Variants in CHAT observed in about 807,000 individuals in gnomAD.
CHAT encodes the protein choline O-acetyltransferase, also known as acetyl CoA:choline O-acetyltransferase.
CHAT carries 61 observed loss-of-function variants against 76.9 expected under a neutral mutation model. The ratio of observed to expected loss-of-function variants is 0.79; its 90% CI spans 0.65 to 0.98. CHAT has a LOEUF of 0.98. Ranked by LOEUF, CHAT falls within the 50% of genes least tolerant of loss-of-function variation. The probability of loss-of-function intolerance (pLI) is 0.00; values close to 1 mark genes in which losing one functional copy is unlikely to be tolerated. For missense variants in CHAT, 946 were observed against 986.9 expected, an observed-to-expected ratio of 0.96 and a Z score of 0.56; for synonymous variants, 407 against 397.4, an observed-to-expected ratio of 1.02 and a Z score of -0.29.
intron 8 of CHAT, 145 bp downstream of exon 8, chr10:49,646,819 G>A (rs1839685961): frequency 2.3e-6 from 2 of 883,688 alleles, no homozygotes; most frequent in Non-Finnish European, 3.6e-6. Flanking sequence ...CTAAGAGGCT[G>A]GGTCTGAGGG....
At chr10:49,632,887 C>T (rs549072631) in intron 7 of CHAT, among the ~76,000 whole-genome samples, 2 of 152,326 alleles carry the variant, frequency 1.3e-5, no homozygotes, top group South Asian at 2.1e-4. Flanking sequence ...GCAGGGCTGC[C>T]TGCCGCACCC....
rs561413241 is a variant in CHAT at position 49,646,746 on chromosome 10, C to T, written c.1281+72C>T. ...GAGAGAGTGAGTAGGCAAGCGGGCA[C>T]AGCCTGGTGCCCAGGCCCGCACGTG... On this transcript the variant is annotated intron_variant, in intron 8 of 14. Coordinates refer to ENST00000337653, the MANE Select transcript of CHAT (RefSeq NM_020549.5). The T allele has an allele frequency of 1.2e-5, 18 of 1,539,732 alleles. No homozygotes were observed. In the African/African-American group the frequency reaches 2.0e-4, roughly 18 times the overall value.
intron 10 of CHAT, 116 bp downstream of exon 10, chr10:49,649,752 TGGGCTCCACCTC>T: frequency 1.8e-6 from 2 of 1,101,276 alleles, no homozygotes; most frequent in Non-Finnish European, 2.8e-6. Flanking sequence ...TGCCTCTCCT[TGGGCTCCACCTC>T]GTCCCCATCC....
intron 1 of CHAT, chr10:49,616,241 G>A (rs1270284845): frequency 1.2e-6 from 1 of 845,714 alleles, no homozygotes; most frequent in Admixed American, 1.8e-5. Context: ...AGCTGGCCTT[G>A]GGTGACAACA....
chr10:49,652,281 G>C (rs1050532688), intron 11 of CHAT, among the ~76,000 whole-genome samples: 1 of 151,652 alleles, frequency 6.6e-6, no homozygotes, highest in Non-Finnish European at 1.5e-5. Context: ...AGAGCCAGGA[G>C]GGGATGAGGA....
At chr10:49,620,466 G>A (rs1421282233) in intron 3 of CHAT, 29 bp from the exon 4 acceptor site, 1 of 1,486,878 alleles carries the variant, frequency 6.7e-7, no homozygotes, top group Non-Finnish European at 9.4e-7. Flanking sequence ...TTGGGGGGAT[G>A]TGACGGCCTT....
intron 4 of CHAT, 63 bp from the exon 5 acceptor site, chr10:49,622,034 G>GGGGGAGA: frequency 6.7e-7 from 1 of 1,498,598 alleles, no homozygotes. Flanking sequence ...AGGCAGAAGG[G>GGGGGAGA]AGGGAGGGAG....
chr10:49,650,662 C>CA (rs1839847825), intron 10 of CHAT, among the ~76,000 whole-genome samples: 1 of 152,138 alleles, frequency 6.6e-6, no homozygotes, highest in South Asian at 2.1e-4. Context: ...CTAGAGCCTG[C>CA]CCTGCCACTG....
chr10:49,646,725 G>T, intron 8 of CHAT, 51 bp downstream of exon 8: 3 of 1,596,786 alleles, frequency 1.9e-6, no homozygotes, highest in Non-Finnish European at 2.6e-6. Flanking sequence ...CCCAGCGAGA[G>T]AGTGAGTAGG....
At chr10:49,646,774 T>A in intron 8 of CHAT, 100 bp downstream of exon 8, 1 of 1,368,250 alleles carries the variant, frequency 7.3e-7, no homozygotes, top group Non-Finnish European at 1.0e-6. Context: ...CGCACGTGCT[T>A]GTGTCTGGCA....
intron 2 of CHAT, among the ~76,000 whole-genome samples, chr10:49,618,835 C>T (rs960457648): frequency 1.3e-5 from 2 of 152,270 alleles, no homozygotes; most frequent in Admixed American, 6.5e-5. Context: ...TATAAGATAG[C>T]GAGGTCATAA....
At chr10:49,658,908 T>G (rs1184952684) in intron 13 of CHAT, among the ~76,000 whole-genome samples, 1 of 152,114 alleles carries the variant, frequency 6.6e-6, no homozygotes, top group Non-Finnish European at 1.5e-5. Flanking sequence ...GTGGAAGAAT[T>G]AGAAGATAAT....
At chr10:49,612,414 C>G (rs1443892870), upstream of CHAT, 1 of 1,444,176 alleles carries the variant, frequency 6.9e-7, no homozygotes, top group East Asian at 2.3e-5. Flanking sequence ...CTGGCCAGCT[C>G]TGGCTCAGGG....
upstream of CHAT, chr10:49,611,330 T>C: frequency 6.2e-7 from 1 of 1,603,622 alleles, no homozygotes; most frequent in Non-Finnish European, 8.5e-7. Context: ...ACGTCTGGCA[T>C]AGCCATGATC....
intron 4 of CHAT, 66 bp from the exon 5 acceptor site, chr10:49,622,031 A>C: frequency 2.8e-6 from 4 of 1,445,394 alleles, no homozygotes; most frequent in Admixed American, 1.8e-5. Flanking sequence ...GGGAGGCAGA[A>C]GGGAGGGAGG....
intron 10 of CHAT, chr10:49,651,638 A>G: frequency 2.0e-6 from 1 of 496,202 alleles, no homozygotes; most frequent in Non-Finnish European, 3.7e-6. Flanking sequence ...TCTCCAGAGC[A>G]GGGCCGACAC....
chr10:49,630,299 G>T (rs576319884), intron 7 of CHAT, among the ~76,000 whole-genome samples: 1 of 152,122 alleles, frequency 6.6e-6, no homozygotes. Flanking sequence ...AGAAAGAGTA[G>T]CCCATGAAGT....
At chr10:49,647,238 T>G (rs1161432732) in intron 8 of CHAT, 1 of 160,930 alleles carries the variant, frequency 6.2e-6, no homozygotes, top group Non-Finnish European at 1.4e-5. Context: ...TATGTTCATT[T>G]ACATGACATC....
intron 11 of CHAT, among the ~76,000 whole-genome samples, chr10:49,654,397 T>G (rs1272938420): frequency 6.6e-6 from 1 of 152,244 alleles, no homozygotes; most frequent in Non-Finnish European, 1.5e-5. Flanking sequence ...TGTGTCTTTT[T>G]TCCTCCCCCA....
Sources: gnomAD v4.1 joint callset for allele counts (sites outside exome capture counted in the v4.1 genomes callset) on GRCh38, gnomAD v4.1.1 for gene constraint, MANE v1.5 for transcripts, NCBI Gene and HGNC (gene_info 2026-07-23, HGNC 2026-07-21) for gene names.